SAMD4A: variants seen among roughly 807,000 people sequenced by gnomAD.
SAMD4A encodes the protein protein Smaug homolog 1.
Under a neutral mutation model 81.3 loss-of-function variants are expected in SAMD4A, and 33 were observed. That is an observed-to-expected ratio of 0.41 (90% CI 0.31 to 0.54). The LOEUF is 0.54. Among genes scored for constraint, SAMD4A ranks in the 20% least tolerant of loss-of-function variants. The pLI is 0.37. For missense variants in SAMD4A, 854 were observed against 951.1 expected, an observed-to-expected ratio of 0.90 and a Z score of 1.34; for synonymous variants, 389 against 382.1, an observed-to-expected ratio of 1.02 and a Z score of -0.21.
intron 2 of SAMD4A, among the ~76,000 whole-genome samples, chr14:54,599,072 G>A (rs558782730): frequency 8.5e-5 from 13 of 152,128 alleles, no homozygotes; most frequent in African/African-American, 1.9e-4. Flanking sequence ...CTCCCACCTC[G>A]GCCTCCCAAA....
At chr14:54,726,096 T>C (rs1170962761) in intron 3 of SAMD4A, among the ~76,000 whole-genome samples, 1 of 152,020 alleles carries the variant, frequency 6.6e-6, no homozygotes, top group Non-Finnish European at 1.5e-5. Context: ...GAATGCAATT[T>C]TTTACCATTT....
chr14:54,580,853 G>A (rs1398932310), intron 2 of SAMD4A, among the ~76,000 whole-genome samples: 1 of 152,232 alleles, frequency 6.6e-6, no homozygotes, highest in African/African-American at 2.4e-5. Context: ...CGTTGAAAGA[G>A]CGGATGAATG....
At chr14:54,624,140 A>T (rs2034689914) in intron 2 of SAMD4A, among the ~76,000 whole-genome samples, 1 of 149,012 alleles carries the variant, frequency 6.7e-6, no homozygotes, top group African/African-American at 2.5e-5. Context: ...GCGCCCGTCT[A>T]ATTTTTGTAT....
At chr14:54,586,602 A>T (rs1027369927) in intron 2 of SAMD4A, among the ~76,000 whole-genome samples, 1 of 152,172 alleles carries the variant, frequency 6.6e-6, no homozygotes, top group Non-Finnish European at 1.5e-5. Context: ...TGATTTTTGT[A>T]TAAGGTGAGA....
At chr14:54,685,802 A>G (rs1282889450) in intron 2 of SAMD4A, 2 of 456,630 alleles carry the variant, frequency 4.4e-6, no homozygotes, top group African/African-American at 2.0e-5. Flanking sequence ...CATGATTTTC[A>G]GGCAGATTGA....
chr14:54,606,183 CTGTGTG>C (rs57209362), intron 2 of SAMD4A, among the ~76,000 whole-genome samples: 33 of 146,678 alleles, frequency 2.2e-4, no homozygotes, highest in South Asian at 6.5e-4. Context: ...TACTTCTGGG[CTGTGTG>C]TGTGTGTGTG....
intron 2 of SAMD4A, among the ~76,000 whole-genome samples, chr14:54,589,376 T>C (rs1172784321): frequency 6.6e-6 from 1 of 152,244 alleles, no homozygotes; most frequent in Admixed American, 6.5e-5. Flanking sequence ...GTCTAAATTT[T>C]ATGGCCATGT....
Position 54,789,105 on chromosome 14 carries a change from C to A in SAMD4A, c.*161C>A. On this transcript the variant is annotated 3_prime_UTR_variant, in exon 13 of 13. Transcript: ENST00000554335. Reference sequence around the variant, plus strand: ...ATTTTGTGAGAGCGTAGGTCATCCTCGTAAACATATCAGTAGACCTGGGGT... The same window carrying A: ...ATTTTGTGAGAGCGTAGGTCATCCTAGTAAACATATCAGTAGACCTGGGGT... The A allele has an allele frequency of 2.7e-6, 2 of 735,764 alleles. No individual in the cohort carries two copies. The highest frequency in any genetic ancestry group is 4.7e-6 in the Non-Finnish European group (2 of 423,328). 45.6% of individuals were successfully genotyped at this position (735,764 alleles called of 1,614,324 possible).
At chr14:54,787,999 A>G (rs1041859658) in intron 12 of SAMD4A, among the ~76,000 whole-genome samples, 21 of 152,056 alleles carry the variant, frequency 1.4e-4, no homozygotes, top group Admixed American at 4.6e-4. Context: ...CACACCTCTG[A>G]TGGTCATATC....
chr14:54,612,770 G>C (rs1034580572), intron 2 of SAMD4A, among the ~76,000 whole-genome samples: 1 of 152,158 alleles, frequency 6.6e-6, no homozygotes, highest in African/African-American at 2.4e-5. Context: ...ATAGAAGATG[G>C]GGTGGGAAGA....
intron 2 of SAMD4A, among the ~76,000 whole-genome samples, chr14:54,581,495 A>G (rs2033466112): frequency 1.3e-5 from 2 of 152,244 alleles, no homozygotes; most frequent in African/African-American, 4.8e-5. Context: ...TGGACTGTCT[A>G]TAACGTCAAA....
intron 3 of SAMD4A, among the ~76,000 whole-genome samples, chr14:54,732,036 G>T (rs2037569841): frequency 6.6e-6 from 1 of 152,190 alleles, no homozygotes; most frequent in African/African-American, 2.4e-5. Flanking sequence ...CAGCACACAG[G>T]TTCCTGAGGC....
intron 2 of SAMD4A, among the ~76,000 whole-genome samples, chr14:54,650,569 TTC>T (rs1156876366): frequency 6.6e-6 from 1 of 152,172 alleles, no homozygotes; most frequent in African/African-American, 2.4e-5. Context: ...AAGCAGCTGT[TTC>T]TCTTTCTCCA....
At chr14:54,645,497 C>CT (rs1182193133) in intron 2 of SAMD4A, among the ~76,000 whole-genome samples, 5 of 152,134 alleles carry the variant, frequency 3.3e-5, no homozygotes, top group East Asian at 1.9e-4. Context: ...ATATGTGACT[C>CT]TAAGTCTTGC....
At chr14:54,568,949 G>A (rs938339073) in intron 2 of SAMD4A, among the ~76,000 whole-genome samples, 14 of 151,758 alleles carry the variant, frequency 9.2e-5, no homozygotes, top group South Asian at 2.1e-4. Flanking sequence ...TAGTCGAAAG[G>A]TCCAGCAGTT....
At chr14:54,695,631 G>T (rs958824614) in intron 2 of SAMD4A, among the ~76,000 whole-genome samples, 2 of 152,152 alleles carry the variant, frequency 1.3e-5, no homozygotes, top group African/African-American at 4.8e-5. Context: ...GGCCACCCTG[G>T]AAGCCCGCAA....
chr14:54,666,444 C>T (rs1002943597), intron 2 of SAMD4A, among the ~76,000 whole-genome samples: 2 of 152,106 alleles, frequency 1.3e-5, no homozygotes, highest in African/African-American at 4.8e-5. Flanking sequence ...GCAGAACCCA[C>T]CTATAGGAAA....
In SAMD4A at chr14:54,583,892, A is replaced by T. The variant is rs140448350; in HGVS notation, c.196+15780A>T. ...TGATTTTGGTTTTCACAGTTAAATT[A>T]TCAAATGTAATGCTTTTAAGAATTA... is the stretch of plus-strand genomic sequence containing the variant. On this transcript the variant is annotated intron_variant, in intron 2 of 12. Transcript: ENST00000554335. Among the ~76,000 whole-genome samples, 915 of 152,368 alleles carry T rather than the reference A, an allele frequency of 6.0e-3. 10 individuals carry two copies. The highest frequency in any genetic ancestry group is 0.017 in the Middle Eastern group (5 of 294).
At chr14:54,725,641 T>C (rs775234411) in intron 3 of SAMD4A, among the ~76,000 whole-genome samples, 2 of 152,258 alleles carry the variant, frequency 1.3e-5, no homozygotes, top group Non-Finnish European at 2.9e-5. Flanking sequence ...GCAGTGTTGG[T>C]TTATACCAAG....
Sources: allele counts gnomAD v4.1 joint callset (sites outside exome capture counted in the v4.1 genomes callset), GRCh38; gene constraint gnomAD v4.1.1; transcripts MANE v1.5; gene names NCBI Gene and HGNC (gene_info 2026-07-23, HGNC 2026-07-21).